Variants in SHISA6 observed in about 807,000 individuals in gnomAD.
SHISA6 encodes the protein protein shisa-6.
Under a neutral mutation model 47.9 loss-of-function variants are expected in SHISA6, and 22 were observed. The ratio of observed to expected loss-of-function variants is 0.46; its 90% confidence interval spans 0.33 to 0.66. The LOEUF (loss-of-function observed/expected upper bound fraction) is 0.66, where lower values mean the gene tolerates loss of function less well. Among genes scored for constraint, SHISA6 ranks in the 30% least tolerant of loss-of-function variants. The probability of loss-of-function intolerance (pLI) is 0.02; values close to 1 mark genes in which losing one functional copy is unlikely to be tolerated. For missense variants in SHISA6, 680 were observed against 764.6 expected (o/e 0.89, Z 1.30); for synonymous variants, 388 against 337.8 (o/e 1.15, Z -1.63).
intron 2 of SHISA6, among the ~76,000 whole-genome samples, chr17:11,307,851 T>C (rs895927613): frequency 4.0e-5 from 6 of 151,382 alleles, no homozygotes; most frequent in African/African-American, 1.5e-4. Flanking sequence ...ATAGATAGGA[T>C]TGGAGGACCC....
At position 11,468,891 on chromosome 17, in the gene SHISA6, C is replaced by T. The variant is rs185801977; in HGVS notation, c.896-83005C>T. On this transcript the variant is annotated intron_variant, in intron 3 of 5. Coordinates refer to ENST00000441885, the MANE Select transcript of SHISA6 (RefSeq NM_207386.4). ...CAAAAATTAGCCAGACATGGTGGCACGAGCCTGTAATCCCAGCTACTCGGG... is the reference window on the plus strand; with the variant it reads ...CAAAAATTAGCCAGACATGGTGGCATGAGCCTGTAATCCCAGCTACTCGGG... Among the ~76,000 whole-genome samples, 48 of 151,658 alleles carry T rather than the reference C, an allele frequency of 3.2e-4. No homozygotes were observed. In the South Asian group the frequency reaches 7.1e-3, roughly 22 times the overall value.
intron 1 of SHISA6, among the ~76,000 whole-genome samples, chr17:11,257,609 C>G (rs1024725543): frequency 1.3e-5 from 2 of 149,312 alleles, no homozygotes; most frequent in South Asian, 2.1e-4. Flanking sequence ...TGCAGCGAGC[C>G]GTGATCTCAC....
At chr17:11,265,960 A>G (rs1908410250) in intron 2 of SHISA6, among the ~76,000 whole-genome samples, 1 of 151,950 alleles carries the variant, frequency 6.6e-6, no homozygotes. Context: ...TCAAATTGGA[A>G]CTCTTCACTT....
At chr17:11,451,119 T>C (rs964801436) in intron 3 of SHISA6, among the ~76,000 whole-genome samples, 20 of 151,982 alleles carry the variant, frequency 1.3e-4, no homozygotes, top group African/African-American at 4.8e-4. Flanking sequence ...AAGCTGACCC[T>C]GCTGGTCACT....
intron 2 of SHISA6, among the ~76,000 whole-genome samples, chr17:11,319,074 GTTTTT>G (rs57696970): frequency 6.5e-4 from 87 of 134,106 alleles, no homozygotes; most frequent in African/African-American, 1.9e-3. Flanking sequence ...TTCTTCTTAT[GTTTTT>G]TTTTTTTTTT....
At chr17:11,395,815 G>T (rs1031201635) in intron 3 of SHISA6, among the ~76,000 whole-genome samples, 17 of 152,088 alleles carry the variant, frequency 1.1e-4, no homozygotes, top group Admixed American at 7.9e-4. Context: ...ACCGTGCCCG[G>T]CCAGTTTTAC....
intron 3 of SHISA6, among the ~76,000 whole-genome samples, chr17:11,468,792 G>A (rs771873109): frequency 6.6e-6 from 1 of 152,016 alleles, no homozygotes; most frequent in East Asian, 1.9e-4. Flanking sequence ...AGGCCAAGGT[G>A]GCTGGATCAC....
chr17:11,244,684 A>G (rs528542777), intron 1 of SHISA6, among the ~76,000 whole-genome samples: 1 of 152,318 alleles, frequency 6.6e-6, no homozygotes, highest in East Asian at 1.9e-4. Context: ...TCCTTAGGGA[A>G]AGTGGGGAGG....
chr17:11,451,031 TC>T (rs1202553804), intron 3 of SHISA6, among the ~76,000 whole-genome samples: 1 of 148,904 alleles, frequency 6.7e-6, no homozygotes, highest in African/African-American at 2.5e-5. Context: ...GGCCAGATTA[TC>T]CATGATGAGG....
intron 2 of SHISA6, among the ~76,000 whole-genome samples, chr17:11,266,909 A>G (rs1908445225): frequency 6.6e-6 from 1 of 152,172 alleles, no homozygotes; most frequent in African/African-American, 2.4e-5. Flanking sequence ...TTGAAAGCAC[A>G]TGCTTTGTTG....
chr17:11,310,717 A>G (rs111260106), intron 2 of SHISA6, among the ~76,000 whole-genome samples: 4,700 of 151,978 alleles, frequency 0.031, 249 homozygotes, highest in African/African-American at 0.11. Flanking sequence ...GCTCATGCCT[A>G]TAATCCCAGC....
At chr17:11,530,453 C>CT (rs1449294732) in intron 3 of SHISA6, among the ~76,000 whole-genome samples, 2 of 152,184 alleles carry the variant, frequency 1.3e-5, no homozygotes, top group African/African-American at 4.8e-5. Flanking sequence ...ACACACACTT[C>CT]TTTTTTGTTC....
chr17:11,549,557 G>GT (rs1272649072), intron 3 of SHISA6, among the ~76,000 whole-genome samples: 1 of 152,176 alleles, frequency 6.6e-6, no homozygotes, highest in Admixed American at 6.5e-5. Flanking sequence ...GTGAAGACGA[G>GT]TTTTTTTAAA....
At chr17:11,303,437 G>T (rs1302296416) in intron 2 of SHISA6, among the ~76,000 whole-genome samples, 1 of 151,978 alleles carries the variant, frequency 6.6e-6, no homozygotes, top group African/African-American at 2.4e-5. Context: ...GTGTGGTTTT[G>T]TGTGCAGTTG....
rs73286873 is a variant in SHISA6, at chr17:11,520,172, C to T, written c.896-31724C>T. Among the ~76,000 whole-genome samples, 616 of 152,294 alleles carry T rather than the reference C, an allele frequency of 4.0e-3. 3 individuals are homozygous for T. The highest frequency in any genetic ancestry group is 0.014 in the African/African-American group (582 of 41,554). ...AATTCTACTGCCTACTTGACATCAACACTTAGATGTTCCACAAGCATCTCA... is the reference window on the plus strand; with the variant it reads ...AATTCTACTGCCTACTTGACATCAATACTTAGATGTTCCACAAGCATCTCA... On this transcript the variant is annotated intron_variant, in intron 3 of 5. Transcript: ENST00000441885.
At chr17:11,361,261 G>C (rs764851612) in intron 2 of SHISA6, among the ~76,000 whole-genome samples, 3 of 151,534 alleles carry the variant, frequency 2.0e-5, no homozygotes, top group African/African-American at 4.9e-5. Context: ...GTTTTCATTA[G>C]ACTTGTTTTA....
At position 11,549,555 on chromosome 17, in the gene SHISA6, G is replaced by A. The variant is rs1173552576; in HGVS notation, c.896-2341G>A. ...TTTAAATGAAGATCATTGTGAAGAC[G>A]AGTTTTTTTAAAATGCCTATGAAAG... On this transcript the variant is annotated intron_variant, in intron 3 of 5. Coordinates refer to ENST00000441885, the MANE Select transcript of SHISA6 (RefSeq NM_207386.4). Among the ~76,000 whole-genome samples, 6 of 152,290 alleles carry A rather than the reference G, an allele frequency of 3.9e-5. No individual in the cohort carries two copies. In the East Asian group the frequency reaches 9.6e-4, roughly 24 times the overall value.
intron 2 of SHISA6, among the ~76,000 whole-genome samples, chr17:11,347,870 G>C (rs1567580408): frequency 6.6e-6 from 1 of 152,134 alleles, no homozygotes; most frequent in Non-Finnish European, 1.5e-5. Flanking sequence ...GTGCTTATGG[G>C]TTGTCCCACG....
At chr17:11,265,142 T>C (rs938887792) in intron 2 of SHISA6, among the ~76,000 whole-genome samples, 2 of 152,254 alleles carry the variant, frequency 1.3e-5, no homozygotes, top group Non-Finnish European at 2.9e-5. Flanking sequence ...TTAAAATTGC[T>C]GATGCCTGGG....
Sources: gnomAD v4.1 joint callset for allele counts (sites outside exome capture counted in the v4.1 genomes callset) on GRCh38, gnomAD v4.1.1 for gene constraint, MANE v1.5 for transcripts, NCBI Gene and HGNC (gene_info 2026-07-23, HGNC 2026-07-21) for gene names.